Variants in LNX1 observed in about 807,000 individuals in gnomAD.
LNX1 encodes the protein ligand of numb-protein X 1, also known as E3 ubiquitin-protein ligase LNX.
A neutral mutation model predicts 68.4 loss-of-function variants in LNX1; 54 were observed. That is an observed-to-expected ratio of 0.79 (90% confidence interval 0.63 to 0.99). LNX1 has a LOEUF of 0.99. Ranked by LOEUF, LNX1 falls within the 50% of genes least tolerant of loss-of-function variation. The pLI is 0.00. For synonymous variants in LNX1, 336 were observed against 350.0 expected (o/e 0.96, Z 0.45); for missense variants, 906 against 926.4 (o/e 0.98, Z 0.29).
chr4:53,602,269 G>A (rs1733050661), intron 2 of LNX1, among the ~76,000 whole-genome samples: 1 of 152,152 alleles, frequency 6.6e-6, no homozygotes, highest in African/African-American at 2.4e-5. Flanking sequence ...TAAATATGCA[G>A]GGACTTGATT....
At chr4:53,582,411 C>T (rs561877672) in intron 1 of LNX1, among the ~76,000 whole-genome samples, 59 of 152,130 alleles carry the variant, frequency 3.9e-4, no homozygotes, top group African/African-American at 9.4e-4. Context: ...ACAAAACGAC[C>T]GGATCCTGTA....
Position 53,514,919 on chromosome 4 carries a change from A to G in LNX1, c.381-6692T>C, listed in dbSNP as rs571244323. ...ATTTAACTGACAAATTAGGCTAAAC[A>G]TTTTAATTTTAAAAAATATTTAATT... On this transcript the variant is annotated intron_variant, in intron 2 of 10. Coordinates refer to ENST00000263925, the MANE Select transcript of LNX1 (RefSeq NM_001126328.3). Among the ~76,000 whole-genome samples the G allele has an allele frequency of 1.1e-4, 17 of 152,326 alleles. No homozygotes were observed. The East Asian group carries it at 2.9e-3, about 26-fold the overall frequency.
At chr4:53,517,813 G>C (rs1726897660) in intron 2 of LNX1, among the ~76,000 whole-genome samples, 1 of 152,170 alleles carries the variant, frequency 6.6e-6, no homozygotes, top group South Asian at 2.1e-4. Context: ...CGTAGTCAGA[G>C]GTGAACTGAA....
chr4:53,483,020 C>T (rs78309209), intron 6 of LNX1, among the ~76,000 whole-genome samples: 2,618 of 152,272 alleles, frequency 0.017, 80 homozygotes, highest in African/African-American at 0.06. Context: ...TCCACATCAT[C>T]GATATGGTTT....
At chr4:53,652,047 G>C (rs906854329) in intron 1 of LNX1, 1 of 151,934 alleles carries the variant, frequency 6.6e-6, no homozygotes, top group African/African-American at 2.4e-5. Context: ...GAGAGAGAGA[G>C]AGAGAGAGAG....
At chr4:53,572,504 C>T (rs917872360) in intron 2 of LNX1, among the ~76,000 whole-genome samples, 15 of 152,166 alleles carry the variant, frequency 9.9e-5, no homozygotes, top group African/African-American at 3.6e-4. Flanking sequence ...TCCCAAAAGA[C>T]AAAGGCTCAG....
intron 1 of LNX1, among the ~76,000 whole-genome samples, chr4:53,583,534 C>T (rs1731962366): frequency 6.8e-6 from 1 of 147,588 alleles, no homozygotes; most frequent in Non-Finnish European, 1.5e-5. Flanking sequence ...TATAGTATTG[C>T]AAACACCCAA....
At chr4:53,521,372 G>T (rs953524962) in intron 2 of LNX1, among the ~76,000 whole-genome samples, 2 of 152,154 alleles carry the variant, frequency 1.3e-5, no homozygotes, top group African/African-American at 4.8e-5. Flanking sequence ...TCCTCAAAGT[G>T]CATTCCATCG....
upstream of LNX1, chr4:53,591,662 A>T: frequency 6.0e-5 from 46 of 760,454 alleles, no homozygotes; most frequent in East Asian, 1.3e-4. Context: ...AATACCTGCA[A>T]GCAGGTAGGT....
chr4:53,487,438 T>G (rs550339838), intron 6 of LNX1, among the ~76,000 whole-genome samples: 1 of 152,370 alleles, frequency 6.6e-6, no homozygotes, highest in Non-Finnish European at 1.5e-5. Flanking sequence ...CTATATAAAA[T>G]GCACTGGGTT....
chr4:53,577,157 T>C (rs1731543299), intron 1 of LNX1, among the ~76,000 whole-genome samples: 1 of 152,156 alleles, frequency 6.6e-6, no homozygotes. Context: ...TCACAGGAAA[T>C]ACTTTAAGTG....
Position 53,613,655 on chromosome 4 carries a change from T to C in LNX1, c.-215+2862A>G, listed in dbSNP as rs1201164821. On this transcript the variant is annotated intron_variant, in intron 2 of 3. Transcript: ENST00000504299. ...ACATGATCTAATTCTTTTTCATGGC[T>C]GCATAGTATTCCATGGCATATATAT... Among the ~76,000 whole-genome samples, 4 of 152,214 alleles carry C rather than the reference T, an allele frequency of 2.6e-5. No homozygotes were observed. The East Asian group carries it at 7.7e-4, about 29-fold the overall frequency.
intron 2 of LNX1, among the ~76,000 whole-genome samples, chr4:53,553,000 A>G (rs1729624337): frequency 6.6e-6 from 1 of 152,224 alleles, no homozygotes. Context: ...TCCCTTCCGT[A>G]GAAACCAACC....
At chr4:53,609,012 C>T (rs1422945897) in intron 2 of LNX1, among the ~76,000 whole-genome samples, 1 of 152,108 alleles carries the variant, frequency 6.6e-6, no homozygotes, top group Non-Finnish European at 1.5e-5. Flanking sequence ...TCAAACCATA[C>T]TACAAGGCTA....
intron 2 of LNX1, among the ~76,000 whole-genome samples, chr4:53,532,510 G>A (rs562021113): frequency 1.9e-4 from 29 of 152,074 alleles, no homozygotes; most frequent in Non-Finnish European, 3.7e-4. Context: ...ACACAAAACC[G>A]TCAGCTGCAA....
At chr4:53,461,679 T>A in intron 9 of LNX1, 86 bp from the exon 10 acceptor site, 1 of 1,093,328 alleles carries the variant, frequency 9.1e-7, no homozygotes, top group South Asian at 1.7e-5. Flanking sequence ...CCATTCCTTT[T>A]GTTGGCATTT....
At chr4:53,465,992 T>C (rs924286277) in intron 9 of LNX1, among the ~76,000 whole-genome samples, 6 of 152,084 alleles carry the variant, frequency 3.9e-5, no homozygotes, top group African/African-American at 1.5e-4. Flanking sequence ...TTAAATACTC[T>C]TTCAAAAAAT....
chr4:53,478,635 C>T lies in LNX1; in HGVS notation c.1593G>A (p.Trp531Ter). 1 of 1,614,028 alleles carries T rather than the reference C, an allele frequency of 6.2e-7. No homozygotes were observed. The highest frequency in any genetic ancestry group is 8.5e-7 in the Non-Finnish European group (1 of 1,179,936). The change falls in exon 8 of 11, where the codon TGG (tryptophan) becomes TGA (stop). Residue 531 changes from tryptophan to a stop codon, truncating the protein, a stop_gained. Coordinates refer to ENST00000263925, the MANE Select transcript of LNX1 (RefSeq NM_001126328.3). LOFTEE classifies it high-confidence loss of function. ...CACTGATGACATAGATAGGCAAATC[C>T]CATTCTCTATGTGATGCTCCCCCTG... Reference protein sequence around the residue: ...TVAGGASHREWDLPIYVISVE... With the variant: ...TVAGGASHRE
chr4:53,528,589 T>A (rs1224454942), intron 2 of LNX1, among the ~76,000 whole-genome samples: 1 of 152,208 alleles, frequency 6.6e-6, no homozygotes, highest in Non-Finnish European at 1.5e-5. Flanking sequence ...CACAGTTACG[T>A]ACATGTAGGA....
Sources: allele counts gnomAD v4.1 joint callset (sites outside exome capture counted in the v4.1 genomes callset), GRCh38; gene constraint gnomAD v4.1.1; transcripts MANE v1.5; gene names NCBI Gene and HGNC (gene_info 2026-07-23, HGNC 2026-07-21).